CNTNAP2: variants seen among roughly 807,000 people sequenced by gnomAD.
The protein encoded by CNTNAP2 is contactin associated protein 2.
In CNTNAP2, 98 loss-of-function variants were observed where a neutral mutation model predicts 155.2. The ratio of observed to expected loss-of-function variants is 0.63; its 90% CI spans 0.54 to 0.75. CNTNAP2 has a LOEUF of 0.75. Ranked by LOEUF, CNTNAP2 falls within the 30% of genes least tolerant of loss-of-function variation. The probability of loss-of-function intolerance (pLI) is 0.00; values close to 1 mark genes in which losing one functional copy is unlikely to be tolerated. For synonymous variants in CNTNAP2, 651 were observed against 631.2 expected (o/e 1.03, Z -0.47); for missense variants, 1,727 against 1,688.1 (o/e 1.02, Z -0.40).
At chr7:146,896,448 T>G (rs1288780436) in intron 3 of CNTNAP2, among the ~76,000 whole-genome samples, 1 of 152,102 alleles carries the variant, frequency 6.6e-6, no homozygotes, top group Admixed American at 6.6e-5. Flanking sequence ...TGTGAATATC[T>G]ACCTCTACAT....
At chr7:147,918,404 A>G (rs531516021) in intron 14 of CNTNAP2, among the ~76,000 whole-genome samples, 2 of 152,366 alleles carry the variant, frequency 1.3e-5, no homozygotes, top group African/African-American at 4.8e-5. Context: ...GTTTTAGTTC[A>G]CATAGCAAAA....
chr7:147,514,500 C>T (rs1416784820), intron 11 of CNTNAP2, among the ~76,000 whole-genome samples: 1 of 151,440 alleles, frequency 6.6e-6, no homozygotes, highest in South Asian at 2.1e-4. Flanking sequence ...GAAAACTATT[C>T]TAATGAGGAC....
At chr7:147,301,271 C>T (rs556291437) in intron 9 of CNTNAP2, among the ~76,000 whole-genome samples, 40 of 152,208 alleles carry the variant, frequency 2.6e-4, no homozygotes, top group Admixed American at 2.0e-3. Context: ...GTAGCAAAGA[C>T]CTGTCACATT....
In CNTNAP2 at chr7:148,061,648, C is replaced by T. The variant is rs1336726083; in HGVS notation, c.2384-56470C>T. On this transcript the variant is annotated intron_variant, in intron 15 of 23. Transcript: ENST00000361727. ...GTGATTACAGGTGTGAGCCACCACA[C>T]CCAGCCTTCAAAGTGCCCACTTAAT... Among the ~76,000 whole-genome samples, 7 of 151,658 alleles carry T rather than the reference C, an allele frequency of 4.6e-5. No individual in the cohort carries two copies. In the East Asian group the frequency reaches 5.9e-4, roughly 13 times the overall value.
At chr7:147,169,498 T>C (rs1050242857) in intron 8 of CNTNAP2, among the ~76,000 whole-genome samples, 3 of 152,172 alleles carry the variant, frequency 2.0e-5, no homozygotes, top group Non-Finnish European at 4.4e-5. Flanking sequence ...GTGTCCAATG[T>C]TTAGCTCTTA....
At chr7:146,613,841 T>C (rs961464187) in intron 1 of CNTNAP2, among the ~76,000 whole-genome samples, 3 of 152,090 alleles carry the variant, frequency 2.0e-5, no homozygotes, top group African/African-American at 7.2e-5. Flanking sequence ...CAGCTTTTCT[T>C]TCACAGTTTT....
chr7:146,839,655 T>C (rs1444109194), intron 2 of CNTNAP2, 56 bp from the exon 3 acceptor site: 10 of 1,577,274 alleles, frequency 6.3e-6, no homozygotes, highest in Non-Finnish European at 8.7e-6. Context: ...CATTGTCAGT[T>C]GTACAAGTTC....
chr7:146,723,042 G>A, intron 1 of CNTNAP2, among the ~76,000 whole-genome samples: 1 of 152,032 alleles, frequency 6.6e-6, no homozygotes, highest in East Asian at 1.9e-4. Flanking sequence ...AAACATATAT[G>A]TTGAAGTCCT....
chr7:147,513,349 T>C (rs1333630662), intron 11 of CNTNAP2, among the ~76,000 whole-genome samples: 2 of 152,098 alleles, frequency 1.3e-5, no homozygotes, highest in South Asian at 2.1e-4. Context: ...CTTTTTTTTT[T>C]CCATTGTACC....
At chr7:147,604,692 A>G (rs1801028641) in intron 12 of CNTNAP2, among the ~76,000 whole-genome samples, 1 of 152,160 alleles carries the variant, frequency 6.6e-6, no homozygotes, top group East Asian at 1.9e-4. Flanking sequence ...ATCAGAGGGT[A>G]AATAATGGAA....
At chr7:146,272,344 A>G (rs146319367) in intron 1 of CNTNAP2, among the ~76,000 whole-genome samples, 23 of 152,280 alleles carry the variant, frequency 1.5e-4, no homozygotes, top group African/African-American at 4.1e-4. Context: ...TGTCTCTCCA[A>G]TGGCACGTGG....
chr7:147,696,799 T>C (rs1055241675), intron 13 of CNTNAP2, among the ~76,000 whole-genome samples: 3 of 152,126 alleles, frequency 2.0e-5, no homozygotes, highest in African/African-American at 7.2e-5. Flanking sequence ...GCTGATTTTT[T>C]TTTTCTCCCA....
In CNTNAP2 at chr7:148,415,411, C is replaced by T. The variant is rs79777576; in HGVS notation, c.3797-6C>T. 3.3e-3 allele frequency: 5,311 copies of T among 1,613,030 alleles called. 134 individuals are homozygous for T. In the African/African-American group the frequency reaches 0.062, roughly 19 times the overall value. ...TAACCTCTCGTGCTTCTCCTTTCTC[C>T]GTCAGGCGTCATTGCTGTGGTGATT... is the stretch of plus-strand genomic sequence containing the variant. On this transcript the variant is annotated splice_region_variant and splice_polypyrimidine_tract_variant and intron_variant, in intron 23 of 23. Coordinates refer to ENST00000361727, the MANE Select transcript of CNTNAP2 (RefSeq NM_014141.6).
chr7:146,464,195 T>G (rs1796682676), intron 1 of CNTNAP2, among the ~76,000 whole-genome samples: 1 of 150,560 alleles, frequency 6.6e-6, no homozygotes. Flanking sequence ...CTGTTTTTTT[T>G]TTTTTTTTTT....
intron 3 of CNTNAP2, among the ~76,000 whole-genome samples, chr7:146,856,041 A>G (rs1352956166): frequency 6.7e-6 from 1 of 149,862 alleles, no homozygotes; most frequent in East Asian, 2.0e-4. Flanking sequence ...GTTAAATTAA[A>G]CACACCTTGT....
chr7:146,973,192 C>A (rs1424259045), intron 3 of CNTNAP2, among the ~76,000 whole-genome samples: 1 of 152,126 alleles, frequency 6.6e-6, no homozygotes, highest in Non-Finnish European at 1.5e-5. Context: ...ACATGCCCAG[C>A]TAATTTTGTA....
intron 1 of CNTNAP2, among the ~76,000 whole-genome samples, chr7:146,453,838 G>T (rs1796516731): frequency 6.6e-6 from 1 of 152,040 alleles, no homozygotes; most frequent in Non-Finnish European, 1.5e-5. Context: ...GACAGCAACA[G>T]AAACCATTCA....
intron 1 of CNTNAP2, among the ~76,000 whole-genome samples, chr7:146,529,563 G>A (rs991807358): frequency 6.6e-6 from 1 of 152,128 alleles, no homozygotes; most frequent in Non-Finnish European, 1.5e-5. Context: ...ATGCATACAT[G>A]AGGCATGCCA....
intron 1 of CNTNAP2, among the ~76,000 whole-genome samples, chr7:146,223,975 C>T (rs1015209639): frequency 6.6e-6 from 1 of 152,154 alleles, no homozygotes; most frequent in Non-Finnish European, 1.5e-5. Flanking sequence ...ACAACATTTT[C>T]CTTCCGTTAG....
Sources: allele counts gnomAD v4.1 joint callset (sites outside exome capture counted in the v4.1 genomes callset), GRCh38; gene constraint gnomAD v4.1.1; transcripts MANE v1.5; gene names NCBI Gene and HGNC (gene_info 2026-07-23, HGNC 2026-07-21).